Variants in PTPN23 observed in about 807,000 individuals in gnomAD.
PTPN23 encodes the protein tyrosine-protein phosphatase non-receptor type 23.
Under a neutral mutation model 156.3 loss-of-function variants are expected in PTPN23, and 72 were observed. That is an observed-to-expected ratio of 0.46 (90% CI 0.38 to 0.56). The LOEUF (loss-of-function observed/expected upper bound fraction) is 0.56, where lower values mean the gene tolerates loss of function less well. Among genes scored for constraint, PTPN23 ranks in the 20% least tolerant of loss-of-function variants. The probability of loss-of-function intolerance (pLI) is 0.00; values close to 1 mark genes in which losing one functional copy is unlikely to be tolerated. For synonymous variants in PTPN23, 957 were observed against 899.6 expected, an observed-to-expected ratio of 1.06 and a Z score of -1.14; for missense variants, 1,974 against 2,171.5, an observed-to-expected ratio of 0.91 and a Z score of 1.81.
At position 47,412,330 on chromosome 3, in the gene PTPN23, T is replaced by G. The variant is rs769267904; in HGVS notation, c.4226T>G (p.Val1409Gly). The G allele has an allele frequency of 6.2e-7, 1 of 1,613,380 alleles. No homozygotes were observed. Among genetic ancestry groups the G allele is most frequent in the Non-Finnish European group, 8.5e-7 (1 of 1,180,014 alleles). Reference sequence around the variant, plus strand: ...GCCTTTGCACTGCTCTATGCAGCTGTGCAGGAGGTGGAGGCTGGGAACGGA... The same window carrying G: ...GCCTTTGCACTGCTCTATGCAGCTGGGCAGGAGGTGGAGGCTGGGAACGGA... ...TGAFALLYAA[V>G]QEVEAGNGIP... The change falls in exon 23 of 25, where the codon GTG becomes GGG. Residue 1409 changes from valine (V) to glycine (G), a missense_variant. Val to Gly is a moderately radical substitution (Grantham distance 109, BLOSUM62 -3). Coordinates refer to ENST00000265562, the MANE Select transcript of PTPN23 (RefSeq NM_015466.4).
chr3:47,384,455 C>CAAAAAA (rs56896052), intron 1 of PTPN23, among the ~76,000 whole-genome samples: 6 of 78,408 alleles, frequency 7.7e-5, no homozygotes, highest in East Asian at 3.7e-4. Context: ...GAGACTGTCT[C>CAAAAAA]AAAAAAAAAA....
At chr3:47,389,411 G>A (rs1302283877) in intron 1 of PTPN23, among the ~76,000 whole-genome samples, 1 of 151,912 alleles carries the variant, frequency 6.6e-6, no homozygotes, top group Admixed American at 6.6e-5. Context: ...AGGAGTTCGA[G>A]ACCAGCCTGG....
At position 47,407,172 on chromosome 3, in the gene PTPN23, A is replaced by C; in HGVS notation, c.850A>C (p.Ile284Leu). 6.2e-7 allele frequency: 1 copy of C among 1,614,100 alleles called. No individual in the cohort carries two copies. The highest frequency in any genetic ancestry group is 8.5e-7 in the Non-Finnish European group (1 of 1,179,988). ...QSALDKLNEA[I>L]KLAKGQPDTV... ...CGCCCTGGACAAGCTCAATGAAGCC[A>C]TCAAGTTGGCCAAGGTAAAGCTGAG... The change falls in exon 10 of 25, where the codon ATC (isoleucine) becomes CTC (leucine). Residue 284 changes from isoleucine to leucine, a missense_variant. Physicochemically the swap from Ile to Leu is conservative, Grantham distance 5. Around this residue, in one of 4 missense-constraint regions of PTPN23, gnomAD observed 726 missense variants for 929.5 expected, o/e 0.78. Coordinates refer to ENST00000265562, the MANE Select transcript of PTPN23 (RefSeq NM_015466.4). This position sits in a 1 kb window ranked among gnomAD's most constrained non-coding sequence, Gnocchi z 4.0.
At position 47,409,447 on chromosome 3, in the gene PTPN23, G is replaced by C; in HGVS notation, c.1828G>C (p.Asp610His). ...GTTCGAGGAGCAGCTGAAAAAGTAT[G>C]ACCAGCTGAAGGTGTACCTGGAGCA... is the stretch of plus-strand genomic sequence containing the variant. ...KLFEEQLKKY[D>H]QLKVYLEQNL... Residue 610 changes from aspartate (D) to histidine (H), a missense_variant, in exon 18 of 25, where the codon GAC (aspartate) becomes CAC (histidine). This residue lies in a region of PTPN23 where 726 missense variants were observed against 929.5 expected (regional missense o/e 0.78). Transcript: ENST00000265562. 1 of 1,614,146 alleles carries C rather than the reference G, an allele frequency of 6.2e-7. No individual in the cohort carries two copies. The highest frequency in any genetic ancestry group is 8.5e-7 in the Non-Finnish European group (1 of 1,180,022).
Position 47,411,224 on chromosome 3 carries a change from GC to G in PTPN23, c.3429del (p.Thr1144ProfsTer16). ...SPGGGQPLLQ[P>X]TKVDAAEGRR... is the part of the protein sequence containing the mutation. ...CTGGGGGTGGGCAGCCCCTGCTGCAGCCCACCAAGGTGGATGCAGCTGAGGG... is the reference window on the plus strand; with the variant it reads ...CTGGGGGTGGGCAGCCCCTGCTGCAGCCACCAAGGTGGATGCAGCTGAGGG... On this transcript the variant is annotated frameshift_variant, in exon 20 of 25. Coordinates refer to ENST00000265562, the MANE Select transcript of PTPN23 (RefSeq NM_015466.4). LOFTEE classifies it high-confidence loss of function. The surrounding 1 kb of genome is among the most constrained non-coding windows in gnomAD (Gnocchi z 6.3). 1 of 1,606,332 alleles carries G rather than the reference GC, an allele frequency of 6.2e-7. No homozygotes were observed. The highest frequency in any genetic ancestry group is 8.5e-7 in the Non-Finnish European group (1 of 1,178,986).
intron 15 of PTPN23, 117 bp from the exon 16 acceptor site, chr3:47,408,659 T>C: frequency 7.0e-7 from 1 of 1,430,184 alleles, no homozygotes; most frequent in Non-Finnish European, 9.5e-7. Flanking sequence ...CTGCTCAGTG[T>C]GCGCTGGGCC....
In PTPN23 at chr3:47,406,038, C is replaced by T. The variant is rs774127171; in HGVS notation, c.538C>T (p.Leu180Phe). ...CCAGATCCTTACGCTCAACGTCAAC[C>T]TCATGCTGGTGAGGAGGCGCCCTGG... ...SRQILTLNVN[L>F]MLGQAQECLL... The change falls in exon 6 of 25, where the codon CTC becomes TTC. Residue 180 changes from leucine to phenylalanine, a missense_variant. This residue lies in a region of PTPN23 where 726 missense variants were observed against 929.5 expected (regional missense o/e 0.78). Transcript: ENST00000265562. This position sits in a 1 kb window ranked among gnomAD's most constrained non-coding sequence, Gnocchi z 5.8. The T allele has an allele frequency of 6.2e-7, 1 of 1,612,562 alleles. No homozygotes were observed. The highest frequency in any genetic ancestry group is 8.5e-7 in the Non-Finnish European group (1 of 1,179,542).
chr3:47,398,168 G>A (rs567171548), intron 2 of PTPN23, among the ~76,000 whole-genome samples: 84 of 152,230 alleles, frequency 5.5e-4, no homozygotes, highest in African/African-American at 1.8e-3. Context: ...TGGTAGCAGC[G>A]CATGCCTGTA....
chr3:47,392,952 G>C (rs1372321007), intron 1 of PTPN23, among the ~76,000 whole-genome samples: 3 of 152,114 alleles, frequency 2.0e-5, no homozygotes, highest in Admixed American at 1.3e-4. Context: ...TCCTGCCTCA[G>C]CCTCTGGAGT....
chr3:47,406,165 T>G lies in PTPN23; in HGVS notation c.546+119T>G, dbSNP rs1705117783. 8.0e-6 allele frequency: 12 copies of G among 1,502,728 alleles called. No individual in the cohort carries two copies. Among genetic ancestry groups the G allele is most frequent in the Non-Finnish European group, 1.1e-5 (12 of 1,112,440 alleles). The allele number at this position is 1,502,728 out of a possible 1,614,324, so 93.1% of individuals were successfully genotyped here. A position where few individuals can be genotyped will look rare whatever the true frequency, so the allele number is the denominator to read the frequency against. On this transcript the variant is annotated intron_variant, in intron 6 of 24. Transcript: ENST00000265562. This position sits in a 1 kb window ranked among gnomAD's most constrained non-coding sequence, Gnocchi z 5.8. ...GAGGGACAAGCAAGGGGCCTTGGCT[T>G]TGTTGAATCAGGAGCACCGTGGTGC...
rs1457281225 is a variant in PTPN23 at position 47,411,416 on chromosome 3, C to T, written c.3618C>T (p.Ala1206=). 1.2e-6 allele frequency: 2 copies of T among 1,612,942 alleles called. No individual in the cohort carries two copies. Among genetic ancestry groups the T allele is most frequent in the African/African-American group, 1.3e-5 (1 of 74,922 alleles). ...RELQDAQEHD[A]RGRSIAIARC... is the part of the protein sequence containing the mutation. ...TGCAAGATGCGCAGGAACATGATGC[C>T]CGAGGCCGTTCCATCGCCATTGCCC... The change falls in exon 20 of 25, where the codon GCC becomes GCT. Residue 1206 remains alanine (A), a synonymous_variant. Coordinates refer to ENST00000265562, the MANE Select transcript of PTPN23 (RefSeq NM_015466.4). The surrounding 1 kb of genome is among the most constrained non-coding windows in gnomAD (Gnocchi z 6.3).
At chr3:47,408,560 C>T (rs914653623) in intron 15 of PTPN23, 70 bp downstream of exon 15, 1 of 1,550,750 alleles carries the variant, frequency 6.4e-7, no homozygotes, top group Admixed American at 1.8e-5. Flanking sequence ...CCTCCGTGTC[C>T]CTGGTCACTG....
intron 2 of PTPN23, 78 bp from the exon 3 acceptor site, chr3:47,404,574 G>C (rs1340686094): frequency 1.3e-6 from 2 of 1,574,644 alleles, no homozygotes; most frequent in Non-Finnish European, 1.7e-6. Context: ...GCATTTTCCT[G>C]GCATTTGTGA....
intron 23 of PTPN23, 37 bp downstream of exon 23, chr3:47,412,458 C>CT (rs763891695): frequency 4.0e-5 from 64 of 1,611,630 alleles, no homozygotes; most frequent in Middle Eastern, 3.3e-4. Flanking sequence ...GATGGGCCTT[C>CT]TGTCCCAGGG....
Position 47,412,925 on chromosome 3 carries a change from C to T in PTPN23, c.4651C>T (p.Pro1551Ser). Residue 1551 changes from proline to serine, a missense_variant, in exon 25 of 25, where the codon CCA becomes TCA. By Grantham distance (74) the Pro-to-Ser change is moderately conservative (BLOSUM62 -1). This residue lies in a region of PTPN23 where 484 missense variants were observed against 516.0 expected (regional missense o/e 0.94). Coordinates refer to ENST00000265562, the MANE Select transcript of PTPN23 (RefSeq NM_015466.4). ...PSSSPPPLSS[P>S]LPEAPQPKEE... ...TTCCTCCCCGCCCCCCCTTTCCTCC[C>T]CACTACCTGAGGCTCCCCAGCCTAA... 6.2e-7 allele frequency: 1 copy of T among 1,605,324 alleles called. No individual in the cohort carries two copies. The highest frequency in any genetic ancestry group is 8.5e-7 in the Non-Finnish European group (1 of 1,175,262).
chr3:47,407,278 T>C lies in PTPN23; in HGVS notation c.865-31T>C. The stretch of plus-strand genomic sequence containing the variant: ...TCCTGGTGCCAGCCTTGGTTAGTGC[T>C]AAGGCCCCACCCCTGTCCCTAACCC... On this transcript the variant is annotated intron_variant, in intron 10 of 24. Transcript: ENST00000265562. The surrounding 1 kb of genome is among the most constrained non-coding windows in gnomAD (Gnocchi z 4.0). 1 of 1,613,714 alleles carries C rather than the reference T, an allele frequency of 6.2e-7. No individual in the cohort carries two copies. The highest frequency in any genetic ancestry group is 8.5e-7 in the Non-Finnish European group (1 of 1,179,746).
chr3:47,400,018 C>A (rs115615481), intron 2 of PTPN23, among the ~76,000 whole-genome samples: 1,836 of 152,226 alleles, frequency 0.012, 16 homozygotes, highest in Middle Eastern at 0.058. Flanking sequence ...CGTATATTCC[C>A]CAGGCTGGTC....
chr3:47,387,294 C>T (rs567947655), intron 1 of PTPN23, among the ~76,000 whole-genome samples: 7 of 150,816 alleles, frequency 4.6e-5, no homozygotes, highest in South Asian at 2.1e-4. Flanking sequence ...TGGTCAGGCA[C>T]GTTGGCTCAT....
intron 2 of PTPN23, among the ~76,000 whole-genome samples, chr3:47,397,190 T>G (rs1160780301): frequency 6.6e-6 from 1 of 152,144 alleles, no homozygotes. Context: ...CAAAGATCAC[T>G]GATCACTGAT....
Sources: allele counts gnomAD v4.1 joint callset (sites outside exome capture counted in the v4.1 genomes callset), GRCh38; gene constraint gnomAD v4.1.1; regional missense constraint gnomAD v4.1.1; non-coding constraint Gnocchi (gnomAD v3.1); transcripts MANE v1.5; gene names NCBI Gene and HGNC (gene_info 2026-07-23, HGNC 2026-07-21).